Variants in AGBL1 observed in about 807,000 individuals in gnomAD.
The protein encoded by AGBL1 is cytosolic carboxypeptidase 4.
A neutral mutation model predicts 118.9 loss-of-function variants in AGBL1; 130 were observed. That is an observed-to-expected ratio of 1.09 (90% CI 0.95 to 1.26). The LOEUF (loss-of-function observed/expected upper bound fraction) is 1.26. Among genes scored for constraint, AGBL1 ranks in the 50% most tolerant of loss-of-function variants. The pLI is 0.00. For synonymous variants in AGBL1, 555 were observed against 478.9 expected, an observed-to-expected ratio of 1.16 and a Z score of -2.08; for missense variants, 1,584 against 1,298.1, an observed-to-expected ratio of 1.22 and a Z score of -3.38.
chr15:86,100,488 G>T (rs184000916), intron 1 of AGBL1, among the ~76,000 whole-genome samples: 1 of 151,936 alleles, frequency 6.6e-6, no homozygotes, highest in African/African-American at 2.4e-5. Context: ...CCAGTCTCCC[G>T]TCTTTTGATG....
chr15:86,696,635 T>C (rs2086266459), intron 22 of AGBL1, among the ~76,000 whole-genome samples: 1 of 151,940 alleles, frequency 6.6e-6, no homozygotes, highest in South Asian at 2.1e-4. Context: ...CATTGGGCTA[T>C]TTGTTGCCTG....
intron 1 of AGBL1, among the ~76,000 whole-genome samples, chr15:86,134,171 T>A (rs2076855312): frequency 6.6e-6 from 1 of 152,244 alleles, no homozygotes; most frequent in Admixed American, 6.5e-5. Context: ...TTTTTAGTAA[T>A]TGAAGTTTGT....
At chr15:86,743,772 G>T (rs2077715210) in intron 22 of AGBL1, among the ~76,000 whole-genome samples, 1 of 152,024 alleles carries the variant, frequency 6.6e-6, no homozygotes, top group African/African-American at 2.4e-5. Context: ...ATATTGGAAA[G>T]GTTATGAGTT....
chr15:86,885,881 T>C (rs1478774102), intron 22 of AGBL1, among the ~76,000 whole-genome samples: 1 of 152,172 alleles, frequency 6.6e-6, no homozygotes, highest in Non-Finnish European at 1.5e-5. Flanking sequence ...CAGATTTGAT[T>C]TTGCTCTTAC....
chr15:86,797,824 G>GT (rs1434720347), intron 22 of AGBL1, among the ~76,000 whole-genome samples: 1 of 152,190 alleles, frequency 6.6e-6, no homozygotes, highest in Admixed American at 6.5e-5. Flanking sequence ...GCCCTTGGAG[G>GT]TGGAGGCCTT....
At chr15:86,267,210 A>C in intron 13 of AGBL1, 134 bp downstream of exon 13, 1 of 716,308 alleles carries the variant, frequency 1.4e-6, no homozygotes, top group Non-Finnish European at 2.4e-6. Context: ...TATTTATATC[A>C]TAAAAATTGG....
At chr15:86,707,875 T>C (rs1286692384) in intron 22 of AGBL1, among the ~76,000 whole-genome samples, 1 of 152,120 alleles carries the variant, frequency 6.6e-6, no homozygotes, top group Non-Finnish European at 1.5e-5. Context: ...GGGGCCATAC[T>C]TGATTAGACT....
At chr15:86,947,068 A>G (rs942425582) in intron 23 of AGBL1, among the ~76,000 whole-genome samples, 1 of 152,200 alleles carries the variant, frequency 6.6e-6, no homozygotes, top group African/African-American at 2.4e-5. Context: ...TACCGACTTA[A>G]TCAGCTAGAA....
At chr15:86,874,787 G>C (rs996406294) in intron 22 of AGBL1, among the ~76,000 whole-genome samples, 1 of 152,134 alleles carries the variant, frequency 6.6e-6, no homozygotes, top group Non-Finnish European at 1.5e-5. Flanking sequence ...TATATATAAA[G>C]AGCACAACAC....
At chr15:86,473,044 T>C (rs2082501078) in intron 18 of AGBL1, among the ~76,000 whole-genome samples, 1 of 152,242 alleles carries the variant, frequency 6.6e-6, no homozygotes, top group Admixed American at 6.5e-5. Flanking sequence ...CAATAGTATA[T>C]ATTACTTTAA....
rs111272419 is a variant in AGBL1 at position 86,911,165 on chromosome 15, T to C, written c.*3871T>C. On this transcript the variant is annotated 3_prime_UTR_variant, in exon 23 of 23. Coordinates refer to ENST00000614907, the MANE Select transcript of AGBL1 (RefSeq NM_001386094.1). ...GAGAGGAGAGTCCAGAGAGGCGATG[T>C]TGGGGCAGGCCAAGTGCATGCTGTC... 0.026 allele frequency: 3,918 copies of C among 152,392 alleles called. 76 individuals are homozygous for C. Among genetic ancestry groups the C allele is most frequent in the Non-Finnish European group, 0.038 (2,562 of 68,156 alleles). The allele number at this position is 152,392 out of a possible 1,614,324, so 9.4% of individuals were successfully genotyped here.
At chr15:86,226,727 C>A (rs118086539) in intron 6 of AGBL1, among the ~76,000 whole-genome samples, 1 of 152,130 alleles carries the variant, frequency 6.6e-6, no homozygotes. Flanking sequence ...CAGTGATGGG[C>A]CTCAGCTTTT....
At chr15:86,612,404 A>G (rs986007911) in intron 21 of AGBL1, among the ~76,000 whole-genome samples, 21 of 139,370 alleles carry the variant, frequency 1.5e-4, no homozygotes, top group Non-Finnish European at 3.1e-5. Context: ...ATTCCAAAAA[A>G]ACCTGAAGAA....
At chr15:86,598,717 T>G (rs1042166877) in intron 21 of AGBL1, among the ~76,000 whole-genome samples, 4 of 152,150 alleles carry the variant, frequency 2.6e-5, no homozygotes, top group Admixed American at 1.3e-4. Context: ...TGGGTCAATT[T>G]AAAACATGGC....
intron 19 of AGBL1, among the ~76,000 whole-genome samples, chr15:86,528,292 C>G (rs991535805): frequency 6.6e-6 from 1 of 152,208 alleles, no homozygotes; most frequent in African/African-American, 2.4e-5. Context: ...ATTGCCTCAC[C>G]TGGGAAGCGC....
chr15:86,131,675 C>T (rs543550352), intron 1 of AGBL1, among the ~76,000 whole-genome samples: 44 of 152,122 alleles, frequency 2.9e-4, no homozygotes, highest in African/African-American at 9.2e-4. Flanking sequence ...TGGCCAGGTG[C>T]GGTGGCTCAC....
chr15:86,363,535 C>G (rs749529453), intron 17 of AGBL1, among the ~76,000 whole-genome samples: 1 of 152,170 alleles, frequency 6.6e-6, no homozygotes, highest in Admixed American at 6.5e-5. Flanking sequence ...CTTCCCTTGA[C>G]CTCCATGGCA....
At chr15:86,535,824 G>C (rs190312599) in intron 19 of AGBL1, among the ~76,000 whole-genome samples, 1 of 152,132 alleles carries the variant, frequency 6.6e-6, no homozygotes, top group Non-Finnish European at 1.5e-5. Context: ...AACCCTTGTC[G>C]CCAAGGGCCT....
chr15:87,018,958 CA>C (rs777586293), intron 24 of AGBL1, among the ~76,000 whole-genome samples: 1 of 151,904 alleles, frequency 6.6e-6, no homozygotes, highest in Non-Finnish European at 1.5e-5. Flanking sequence ...CAGAGAAAAG[CA>C]GGGATTGCAA....
Sources: gnomAD v4.1 joint callset for allele counts (sites outside exome capture counted in the v4.1 genomes callset) on GRCh38, gnomAD v4.1.1 for gene constraint, MANE v1.5 for transcripts, NCBI Gene and HGNC (gene_info 2026-07-23, HGNC 2026-07-21) for gene names.